The following ADAM19 variants were observed in gnomAD, a reference collection of about 807,000 sequenced individuals.
ADAM19 encodes disintegrin and metalloproteinase domain-containing protein 19.
ADAM19 carries 65 observed loss-of-function variants against 114.7 expected under a neutral mutation model. That is an observed-to-expected ratio of 0.57 (90% CI 0.46 to 0.70). The LOEUF (loss-of-function observed/expected upper bound fraction) is 0.70, where lower values mean the gene tolerates loss of function less well. Ranked by LOEUF, ADAM19 falls within the 30% of genes least tolerant of loss-of-function variation. The probability of loss-of-function intolerance (pLI) is 0.00; values close to 1 mark genes in which losing one functional copy is unlikely to be tolerated. For synonymous variants in ADAM19, 466 were observed against 460.5 expected (o/e 1.01, Z -0.15); for missense variants, 1,063 against 1,204.7 (o/e 0.88, Z 1.74).
At chr5:157,506,181 A>G (rs1755736665) in intron 10 of ADAM19, among the ~76,000 whole-genome samples, 1 of 152,212 alleles carries the variant, frequency 6.6e-6, no homozygotes, top group African/African-American at 2.4e-5. Flanking sequence ...CTTGATTCAA[A>G]CATAGGGTGT....
intron 3 of ADAM19, among the ~76,000 whole-genome samples, chr5:157,551,738 A>G (rs2113779402): frequency 6.6e-6 from 1 of 152,272 alleles, no homozygotes; most frequent in African/African-American, 2.4e-5. Context: ...AAAAAAACTA[A>G]TAATCCAATC....
chr5:157,544,655 G>A (rs141699542), intron 3 of ADAM19, among the ~76,000 whole-genome samples: 1 of 152,200 alleles, frequency 6.6e-6, no homozygotes, highest in Non-Finnish European at 1.5e-5. Context: ...CCCAAGAAGA[G>A]TTCACAAATT....
Position 157,518,819 on chromosome 5 carries a change from T to G in ADAM19, c.666+4A>C. The G allele has an allele frequency of 1.9e-6, 3 of 1,612,842 alleles. No individual in the cohort carries two copies. Among genetic ancestry groups the G allele is most frequent in the Non-Finnish European group, 1.7e-6 (2 of 1,178,780 alleles). ...TTCTGCAAGACCCATTGCCTCCCCC[T>G]TACCTCTAAATAATCAGCCACGAGG... On this transcript the variant is annotated splice_donor_region_variant and intron_variant, in intron 7 of 22. Transcript: ENST00000257527.
chr5:157,527,503 C>G (rs534392798), intron 5 of ADAM19, among the ~76,000 whole-genome samples: 441 of 152,312 alleles, frequency 2.9e-3, no homozygotes, highest in Non-Finnish European at 4.2e-3. Context: ...AGCCACCGCA[C>G]CCGGCCAGAA....
At chr5:157,519,603 C>A (rs1296346624) in intron 6 of ADAM19, among the ~76,000 whole-genome samples, 1 of 152,220 alleles carries the variant, frequency 6.6e-6, no homozygotes, top group Non-Finnish European at 1.5e-5. Context: ...ACTTTTTAAG[C>A]TTTCTGAAGT....
intron 4 of ADAM19, among the ~76,000 whole-genome samples, chr5:157,533,157 G>T (rs147140719): frequency 6.6e-6 from 1 of 152,080 alleles, no homozygotes; most frequent in African/African-American, 2.4e-5. Context: ...CACTCAACAC[G>T]GCCTCGTTCT....
chr5:157,505,705 G>A lies in ADAM19; in HGVS notation c.1094C>T (p.Ala365Val), dbSNP rs376304653. The change falls in exon 11 of 23, where the codon GCG (alanine) becomes GTG (valine). Residue 365 changes from alanine (A) to valine (V), a missense_variant. Around this residue, in one of 3 missense-constraint regions of ADAM19, gnomAD observed 615 missense variants for 706.3 expected, o/e 0.87. Coordinates refer to ENST00000257527, the MANE Select transcript of ADAM19 (RefSeq NM_033274.5). ...TGCCATGATGCACCCACCATCAGCC[G>A]CACTGGCCGAGCAGCAATCTGCAGA... ...HDSADCCSAS[A>V]ADGGCIMAAA... 3.8e-5 allele frequency: 61 copies of A among 1,613,898 alleles called. No homozygotes were observed. Among genetic ancestry groups the A allele is most frequent in the East Asian group, 6.7e-5 (3 of 44,888 alleles).
chr5:157,505,957 C>A (rs1290874490), intron 10 of ADAM19, 149 bp from the exon 11 acceptor site: 2 of 822,172 alleles, frequency 2.4e-6, no homozygotes, highest in Admixed American at 3.3e-5. Flanking sequence ...CCTCTGACAG[C>A]AAGGCTGAAT....
At position 157,480,539 on chromosome 5, in the gene ADAM19, A is replaced by G; in HGVS notation, c.*410T>C. 6.9e-6 allele frequency: 7 copies of G among 1,018,352 alleles called. No homozygotes were observed. Among genetic ancestry groups the G allele is most frequent in the Non-Finnish European group, 5.9e-6 (5 of 850,374 alleles). The allele number at this position is 1,018,352 out of a possible 1,614,324, so 63.1% of individuals were successfully genotyped here. On this transcript the variant is annotated 3_prime_UTR_variant, in exon 23 of 23. Coordinates refer to ENST00000257527, the MANE Select transcript of ADAM19 (RefSeq NM_033274.5). ...GGGACCTCTGAGGAGAGCAGAAGCAATGGGAAGCTCTCTTGCGTGCCCTGC... is the reference window on the plus strand; with the variant it reads ...GGGACCTCTGAGGAGAGCAGAAGCAGTGGGAAGCTCTCTTGCGTGCCCTGC...
At chr5:157,564,329 A>G (rs373158254) in intron 3 of ADAM19, 44 bp downstream of exon 3, 96 of 1,580,546 alleles carry the variant, frequency 6.1e-5, no homozygotes, top group Non-Finnish European at 7.8e-5. Flanking sequence ...GCGTTGACAC[A>G]GAAGTTATTT....
At chr5:157,517,189 C>T (rs748254829) in intron 7 of ADAM19, among the ~76,000 whole-genome samples, 15 of 152,154 alleles carry the variant, frequency 9.9e-5, no homozygotes, top group Non-Finnish European at 2.2e-4. Context: ...GTGCTCTCCC[C>T]ACCACCAGGC....
At chr5:157,521,946 C>T (rs1255452109) in intron 5 of ADAM19, among the ~76,000 whole-genome samples, 2 of 152,198 alleles carry the variant, frequency 1.3e-5, no homozygotes, top group Non-Finnish European at 2.9e-5. Flanking sequence ...CAAGATTACA[C>T]CCAGTGAGTG....
intron 14 of ADAM19, among the ~76,000 whole-genome samples, chr5:157,495,246 C>A (rs1755320627): frequency 6.6e-6 from 1 of 152,070 alleles, no homozygotes; most frequent in Non-Finnish European, 1.5e-5. Flanking sequence ...CATGATCCCC[C>A]CGCCTCGGCC....
At chr5:157,485,568 A>G (rs188108841) in intron 21 of ADAM19, among the ~76,000 whole-genome samples, 93 of 152,330 alleles carry the variant, frequency 6.1e-4, no homozygotes, top group Middle Eastern at 3.4e-3. Context: ...GTCCTGACCA[A>G]GGCTATGTGG....
rs1478234364 is a variant in ADAM19 at position 157,513,478 on chromosome 5, C to T, written c.694G>A (p.Ala232Thr). ...ATCTCTATGAGCTTGTGTTTGGTGG[C>T]GTCCTGGTCTCGTCGATTCTTCTGA... ...EFQKNRRDQD[A>T]TKHKLIEIAN... Residue 232 changes from alanine (A) to threonine (T), a missense_variant, in exon 8 of 23, where the codon GCC becomes ACC. Physicochemically the swap from Ala to Thr is moderately conservative, Grantham distance 58 (BLOSUM62 0). Coordinates refer to ENST00000257527, the MANE Select transcript of ADAM19 (RefSeq NM_033274.5). 1.2e-5 allele frequency: 20 copies of T among 1,613,960 alleles called. No homozygotes were observed. Among genetic ancestry groups the T allele is most frequent in the Middle Eastern group, 3.3e-4 (2 of 6,076 alleles).
intron 7 of ADAM19, among the ~76,000 whole-genome samples, chr5:157,517,941 G>T (rs1364243658): frequency 6.6e-6 from 1 of 152,182 alleles, no homozygotes; most frequent in Non-Finnish European, 1.5e-5. Flanking sequence ...CTGACAGTCT[G>T]GGATTCAGGA....
At chr5:157,569,969 C>T (rs888695804) in intron 2 of ADAM19, among the ~76,000 whole-genome samples, 2 of 152,142 alleles carry the variant, frequency 1.3e-5, no homozygotes, top group African/African-American at 2.4e-5. Context: ...CTGGAAAAAC[C>T]AAAACCACAG....
chr5:157,513,388 T>A, intron 8 of ADAM19, 46 bp downstream of exon 8: 1 of 1,585,758 alleles, frequency 6.3e-7, no homozygotes, highest in Non-Finnish European at 8.7e-7. Flanking sequence ...CCCTTGGAAG[T>A]GCTGGCACCT....
chr5:157,559,566 C>T (rs1757457538), intron 3 of ADAM19, among the ~76,000 whole-genome samples: 1 of 152,206 alleles, frequency 6.6e-6, no homozygotes, highest in Non-Finnish European at 1.5e-5. Context: ...CTGGGGCTCA[C>T]ATAACCCTGT....
Sources: gnomAD v4.1 joint callset for allele counts (sites outside exome capture counted in the v4.1 genomes callset) on GRCh38, gnomAD v4.1.1 for gene constraint, gnomAD v4.1.1 regional missense constraint, MANE v1.5 for transcripts, NCBI Gene and HGNC (gene_info 2026-07-23, HGNC 2026-07-21) for gene names.